The following VPS13B variants were observed in gnomAD, a reference collection of about 807,000 sequenced individuals.
The protein encoded by VPS13B is intermembrane lipid transfer protein VPS13B.
In VPS13B, 285 loss-of-function variants were observed where a neutral mutation model predicts 426.4. The observed-to-expected ratio is 0.67, with a 90% confidence interval of 0.61 to 0.74. The LOEUF (loss-of-function observed/expected upper bound fraction) is 0.74, where lower values mean the gene tolerates loss of function less well. VPS13B is among the 30% of genes least tolerant of loss of function. The pLI is 0.00. For synonymous variants in VPS13B, 1,676 were observed against 1,676.4 expected (o/e 1.00, Z 0.01); for missense variants, 4,537 against 4,782.6 (o/e 0.95, Z 1.51).
intron 19 of VPS13B, among the ~76,000 whole-genome samples, chr8:99,305,155 G>A (rs1401162649): frequency 6.6e-6 from 1 of 152,046 alleles, no homozygotes; most frequent in African/African-American, 2.4e-5. Context: ...CCCAAGACAG[G>A]TTAGGTGTCC....
rs1380246763 is a variant in VPS13B at position 99,461,339 on chromosome 8, T to C, written c.3446-6075T>C. 3.3e-5 allele frequency among the ~76,000 whole-genome samples: 5 copies of C among 152,292 alleles called. No homozygotes were observed. In the East Asian group the frequency reaches 9.7e-4, roughly 29 times the overall value. On this transcript the variant is annotated intron_variant, in intron 23 of 61. Coordinates refer to ENST00000357162, the MANE Select transcript of VPS13B (RefSeq NM_152564.5). ...CAGTTTGTGCAATAAATAGCACAAA[T>C]GTATGATTACATACTCTCTCAGATT...
intron 3 of VPS13B, among the ~76,000 whole-genome samples, chr8:99,044,531 C>G (rs1156291759): frequency 6.6e-6 from 1 of 151,412 alleles, no homozygotes; most frequent in East Asian, 1.9e-4. Context: ...TATTGGGGAA[C>G]AGGTGGTGTT....
chr8:99,061,300 T>TC lies in VPS13B; in HGVS notation c.291+22734_291+22735insC, dbSNP rs1342878752. Among the ~76,000 whole-genome samples, 187 of 149,658 alleles carry TC rather than the reference T, an allele frequency of 1.2e-3. 1 individual carries two copies. Among genetic ancestry groups the TC allele is most frequent in the African/African-American group, 3.2e-3 (130 of 41,122 alleles). On this transcript the variant is annotated intron_variant, in intron 3 of 61. Transcript: ENST00000357162. ...TGATTAGATGCTGCTAATTTTCTTT[T>TC]TTTTTTTTTTTTTTGAACTTGTTCA...
At chr8:99,071,778 C>T (rs1349670606) in intron 3 of VPS13B, among the ~76,000 whole-genome samples, 3 of 152,150 alleles carry the variant, frequency 2.0e-5, no homozygotes, top group African/African-American at 4.8e-5. Context: ...GAGCTGGCAC[C>T]CAAGCCACAA....
intron 30 of VPS13B, among the ~76,000 whole-genome samples, chr8:99,533,225 C>T (rs1214540563): frequency 6.6e-6 from 1 of 152,040 alleles, no homozygotes; most frequent in African/African-American, 2.4e-5. Flanking sequence ...AGGCATGAGC[C>T]GTCGTACCTG....
intron 17 of VPS13B, among the ~76,000 whole-genome samples, chr8:99,235,079 T>C (rs1013804043): frequency 3.3e-5 from 5 of 152,170 alleles, no homozygotes; most frequent in Admixed American, 2.6e-4. Flanking sequence ...TCTGTGTAGA[T>C]TTTTAATTAA....
At chr8:99,663,246 CAG>C (rs1286156909) in intron 35 of VPS13B, among the ~76,000 whole-genome samples, 1 of 152,152 alleles carries the variant, frequency 6.6e-6, no homozygotes, top group East Asian at 1.9e-4. Context: ...ATGGATTAAA[CAG>C]AGACTGAAAC....
At chr8:99,850,663 C>T (rs1194573334) in intron 55 of VPS13B, among the ~76,000 whole-genome samples, 4 of 152,152 alleles carry the variant, frequency 2.6e-5, no homozygotes, top group Admixed American at 6.5e-5. Flanking sequence ...TGGTGGCTCA[C>T]ACCTGTAATC....
intron 22 of VPS13B, among the ~76,000 whole-genome samples, chr8:99,433,165 C>G (rs979453123): frequency 6.6e-6 from 1 of 152,124 alleles, no homozygotes; most frequent in Non-Finnish European, 1.5e-5. Context: ...TCTAAAGCAG[C>G]TGAAGGCTGC....
rs773650885 is a variant in VPS13B at position 99,511,417 on chromosome 8, C to A, written c.4538C>A (p.Thr1513Lys). Residue 1513 changes from threonine to lysine, a missense_variant, in exon 29 of 62, where the codon ACA (threonine) becomes AAA (lysine). This residue lies in a region of VPS13B where 4,311 missense variants were observed against 4,474.3 expected (regional missense o/e 0.96). Coordinates refer to ENST00000357162, the MANE Select transcript of VPS13B (RefSeq NM_152564.5). The stretch of plus-strand genomic sequence containing the variant: ...CCTGGTCAGCCCATGAGGACCCATA[C>A]ACTGACATCCCGCAATTTACCTTTG... ...KSPGQPMRTH[T>K]LTSRNLPLIY... The A allele has an allele frequency of 5.0e-6, 8 of 1,613,658 alleles. No homozygotes were observed. The East Asian group carries it at 1.8e-4, about 36-fold the overall frequency.
intron 21 of VPS13B, 107 bp downstream of exon 21, chr8:99,391,811 A>C: frequency 7.1e-7 from 1 of 1,402,880 alleles, no homozygotes; most frequent in Non-Finnish European, 9.8e-7. Flanking sequence ...AGACTCATTG[A>C]GTGGAGACAA....
chr8:99,696,521 C>A, intron 35 of VPS13B: 1 of 452,100 alleles, frequency 2.2e-6, no homozygotes, highest in South Asian at 2.0e-5. Flanking sequence ...TTGTCCAGTT[C>A]ATGGAATTCC....
rs111349516 is a variant in VPS13B at position 99,840,346 on chromosome 8, T to C, written c.9942+4608T>C. Among the ~76,000 whole-genome samples, 225 of 152,372 alleles carry C rather than the reference T, an allele frequency of 1.5e-3. 3 individuals carry two copies. The highest frequency in any genetic ancestry group is 5.3e-3 in the African/African-American group (219 of 41,596). ...GACAGGACTTTACATTTATCCCAAATAAATTAAGTCTTGTTGATATTGGCC... is the reference window on the plus strand; with the variant it reads ...GACAGGACTTTACATTTATCCCAAACAAATTAAGTCTTGTTGATATTGGCC... On this transcript the variant is annotated intron_variant, in intron 54 of 61. Transcript: ENST00000357162.
chr8:99,445,471 T>C (rs755623053), intron 23 of VPS13B, among the ~76,000 whole-genome samples: 71 of 149,264 alleles, frequency 4.8e-4, no homozygotes, highest in Non-Finnish European at 1.0e-3. Context: ...ACTCTGTAAA[T>C]TAATTAACTA....
At chr8:99,052,659 C>T (rs1473819803) in intron 3 of VPS13B, among the ~76,000 whole-genome samples, 1 of 150,740 alleles carries the variant, frequency 6.6e-6, no homozygotes, top group Admixed American at 6.6e-5. Flanking sequence ...TCCATCTGGT[C>T]CTGGACTTTT....
At chr8:99,395,984 T>G (rs1481577037) in intron 21 of VPS13B, among the ~76,000 whole-genome samples, 1 of 152,074 alleles carries the variant, frequency 6.6e-6, no homozygotes, top group Non-Finnish European at 1.5e-5. Context: ...TGTTGAGTAG[T>G]AGATATTGCA....
chr8:99,036,123 TTTG>T (rs1236350046), intron 2 of VPS13B, among the ~76,000 whole-genome samples: 7 of 152,164 alleles, frequency 4.6e-5, no homozygotes, highest in Non-Finnish European at 7.4e-5. Flanking sequence ...CTCTTTTTCC[TTTG>T]TTGTGCAGAA....
intron 30 of VPS13B, among the ~76,000 whole-genome samples, chr8:99,532,027 TTTAA>T (rs1444917883): frequency 1.1e-4 from 16 of 152,156 alleles, no homozygotes; most frequent in Non-Finnish European, 1.5e-4. Flanking sequence ...CGGAGGTATT[TTTAA>T]TTAAAAAGTT....
chr8:99,197,300 G>A (rs555435849), intron 17 of VPS13B, among the ~76,000 whole-genome samples: 64 of 152,282 alleles, frequency 4.2e-4, no homozygotes, highest in African/African-American at 1.4e-3. Flanking sequence ...TAGTGCCCTT[G>A]TCTGGCTTTG....
Sources: gnomAD v4.1 joint callset for allele counts (sites outside exome capture counted in the v4.1 genomes callset) on GRCh38, gnomAD v4.1.1 for gene constraint, gnomAD v4.1.1 regional missense constraint, MANE v1.5 for transcripts, NCBI Gene and HGNC (gene_info 2026-07-23, HGNC 2026-07-21) for gene names.